Variants in MECR observed in about 807,000 individuals in gnomAD.
MECR encodes the protein mitochondrial trans-2-enoyl-CoA reductase.
In MECR, 37 loss-of-function variants were observed where a neutral mutation model predicts 49.1. That is an observed-to-expected ratio of 0.75 (90% confidence interval 0.58 to 0.99). MECR has a LOEUF of 0.99. MECR is among the 50% of genes least tolerant of loss of function. The pLI is 0.00. For missense variants in MECR, 470 were observed against 479.6 expected, an observed-to-expected ratio of 0.98 and a Z score of 0.19; for synonymous variants, 198 against 191.1, an observed-to-expected ratio of 1.04 and a Z score of -0.30.
chr1:29,213,058 G>A (rs1574410568), intron 3 of MECR, among the ~76,000 whole-genome samples: 1 of 152,222 alleles, frequency 6.6e-6, no homozygotes, highest in Non-Finnish European at 1.5e-5. Flanking sequence ...CTTTCTTAAC[G>A]CTTTCCAAGA....
At chr1:29,218,655 G>A (rs879593944) in intron 1 of MECR, among the ~76,000 whole-genome samples, 6 of 152,172 alleles carry the variant, frequency 3.9e-5, no homozygotes, top group Admixed American at 2.6e-4. Flanking sequence ...GATGGATCAC[G>A]AGGTCAGGAG....
chr1:29,199,390 G>A (rs926551340), intron 7 of MECR, among the ~76,000 whole-genome samples: 2 of 151,936 alleles, frequency 1.3e-5, no homozygotes, highest in Non-Finnish European at 2.9e-5. Context: ...ACCACACCTG[G>A]CTAATTTTTT....
At chr1:29,172,871 A>G in the MECR span, 55 of 152,304 alleles carry the variant, frequency 3.6e-4, no homozygotes, top group African/African-American at 1.3e-3. Flanking sequence ...ACCAAAAAAA[A>G]GGTAGACAAT....
At chr1:29,188,036 C>CAAA (rs57284689), downstream of MECR, among the ~76,000 whole-genome samples, 23,381 of 66,158 alleles carry the variant, frequency 0.35, 4,963 homozygotes, top group Non-Finnish European at 0.42. Flanking sequence ...GACTCTGTCT[C>CAAA]AAAAAAAAAA....
intron 4 of MECR, among the ~76,000 whole-genome samples, chr1:29,203,786 C>T (rs537324637): frequency 3.8e-4 from 58 of 152,336 alleles, no homozygotes; most frequent in Non-Finnish European, 7.3e-4. Context: ...CAGCTTGCAG[C>T]TTCTTGAGAG....
the MECR span, among the ~76,000 whole-genome samples, chr1:29,186,391 T>G: frequency 9.1e-4 from 138 of 152,332 alleles, 1 homozygote; most frequent in Middle Eastern, 3.4e-3. Flanking sequence ...ATTTCAAGTG[T>G]TGTTTGTCAT....
intron 4 of MECR, 75 bp from the exon 5 acceptor site, chr1:29,203,308 C>A: frequency 8.2e-7 from 1 of 1,222,312 alleles, no homozygotes; most frequent in South Asian, 1.4e-5. Flanking sequence ...AGCCGGGGAT[C>A]CTTCTGTAGG....
In MECR at chr1:29,196,224, C is replaced by T. The variant is rs866309993; in HGVS notation, c.865G>A (p.Ala289Thr). The T allele has an allele frequency of 2.5e-6, 4 of 1,613,968 alleles. No individual in the cohort carries two copies. In the African/African-American group the frequency reaches 5.3e-5, roughly 22 times the overall value. Residue 289 changes from alanine (A) to threonine (T), a missense_variant, in exon 8 of 10, where the codon GCC (alanine) becomes ACC (threonine). Coordinates refer to ENST00000263702, the MANE Select transcript of MECR (RefSeq NM_016011.5). ...GGTMVTYGGMAKQPVVASVSL... is the reference protein window; with the variant it reads ...GGTMVTYGGMTKQPVVASVSL... ...ACAGAGGCTACGACGGGCTGCTTGG[C>T]CATCCCCCCATAGGTTACCATGGTT...
the MECR span, chr1:29,169,938 T>G: frequency 3.3e-5 from 5 of 152,256 alleles, no homozygotes; most frequent in Admixed American, 2.6e-4. Flanking sequence ...TTGCCAACTT[T>G]GTTTTAGCTA....
the MECR span, among the ~76,000 whole-genome samples, chr1:29,179,793 A>T: frequency 6.6e-6 from 1 of 152,230 alleles, no homozygotes; most frequent in Non-Finnish European, 1.5e-5. Flanking sequence ...TTCAAAGTGC[A>T]CATGTCATAA....
At chr1:29,226,169 A>C (rs1483577738) in intron 1 of MECR, among the ~76,000 whole-genome samples, 1 of 8,124 alleles carries the variant, frequency 1.2e-4, no homozygotes, top group African/African-American at 2.7e-4. Flanking sequence ...GCTCTATCTA[A>C]AAAAAAAAAA....
At chr1:29,216,817 T>C (rs1174473636) in intron 1 of MECR, 132 bp from the exon 2 acceptor site, 2 of 1,521,064 alleles carry the variant, frequency 1.3e-6, no homozygotes, top group African/African-American at 2.8e-5. Flanking sequence ...ACGGTTCTGT[T>C]ATAAAAGAGA....
downstream of MECR, among the ~76,000 whole-genome samples, chr1:29,188,281 C>T (rs1456013305): frequency 6.6e-6 from 1 of 151,768 alleles, no homozygotes; most frequent in African/African-American, 2.4e-5. Flanking sequence ...CCTCCACCTC[C>T]TGGGTTCAAG....
At chr1:29,189,968 C>G (rs1673090000), downstream of MECR, among the ~76,000 whole-genome samples, 1 of 152,164 alleles carries the variant, frequency 6.6e-6, no homozygotes, top group East Asian at 1.9e-4. Context: ...CAGTGAAACC[C>G]CAAATACTAG....
the MECR span, among the ~76,000 whole-genome samples, chr1:29,180,353 GAGT>G: frequency 3.3e-5 from 5 of 152,148 alleles, no homozygotes; most frequent in African/African-American, 1.2e-4. Flanking sequence ...TGTAGAAAAG[GAGT>G]AGTTTTTAAA....
the MECR span, among the ~76,000 whole-genome samples, chr1:29,177,835 A>G: frequency 1.3e-5 from 2 of 151,832 alleles, no homozygotes; most frequent in African/African-American, 4.8e-5. Flanking sequence ...CCTGAACACT[A>G]AATCTCCTTT....
Position 29,211,315 on chromosome 1 carries a change from C to T in MECR, c.407-4410G>A, listed in dbSNP as rs1287321454. Reference sequence around the variant, plus strand: ...AACTCTTGGACTCAAGCGATCTGCCCGCCTTGGCCTCCCATGCTGGGATTA... The same window carrying T: ...AACTCTTGGACTCAAGCGATCTGCCTGCCTTGGCCTCCCATGCTGGGATTA... On this transcript the variant is annotated intron_variant, in intron 3 of 9. Coordinates refer to ENST00000263702, the MANE Select transcript of MECR (RefSeq NM_016011.5). 5.3e-5 allele frequency among the ~76,000 whole-genome samples: 8 copies of T among 152,206 alleles called. 1 individual carries two copies. The highest frequency in any genetic ancestry group is 9.6e-5 in the African/African-American group (4 of 41,454).
At chr1:29,186,848 G>A in the MECR span, among the ~76,000 whole-genome samples, 3 of 152,218 alleles carry the variant, frequency 2.0e-5, no homozygotes, top group Non-Finnish European at 1.5e-5. Context: ...TGCCTGCTGT[G>A]TGATCTGGAA....
intron 1 of MECR, among the ~76,000 whole-genome samples, chr1:29,217,645 T>C (rs555892565): frequency 3.3e-5 from 5 of 152,302 alleles, no homozygotes; most frequent in African/African-American, 1.2e-4. Flanking sequence ...GGCCCACCTC[T>C]GATCTACTAA....
Sources: gnomAD v4.1 joint callset for allele counts (sites outside exome capture counted in the v4.1 genomes callset) on GRCh38, gnomAD v4.1.1 for gene constraint, MANE v1.5 for transcripts, NCBI Gene and HGNC (gene_info 2026-07-23, HGNC 2026-07-21) for gene names.